ASTN2: variants seen among roughly 807,000 people sequenced by gnomAD.
ASTN2 encodes astrotactin 2.
A neutral mutation model predicts 139.8 loss-of-function variants in ASTN2; 54 were observed. The ratio of observed to expected loss-of-function variants is 0.39; its 90% CI spans 0.31 to 0.48. The LOEUF is 0.48. ASTN2 is among the 20% of genes least tolerant of loss of function. The pLI, the probability that ASTN2 is intolerant of heterozygous loss-of-function variation, is 0.95. For synonymous variants in ASTN2, 756 were observed against 719.5 expected, an observed-to-expected ratio of 1.05 and a Z score of -0.81; for missense variants, 1,565 against 1,725.1, an observed-to-expected ratio of 0.91 and a Z score of 1.64.
rs536974194 is a variant in ASTN2, at chr9:116,776,140, C to A, written c.2396+29492G>T. 3.9e-5 allele frequency among the ~76,000 whole-genome samples: 6 copies of A among 152,242 alleles called. No individual in the cohort carries two copies. The South Asian group carries it at 1.0e-3, about 26-fold the overall frequency. ...AAGCAGGAAGGATCCAAAGGTAGAG[C>A]TAGCTCTTCTCACTAAACAGGCAAT... is the stretch of plus-strand genomic sequence containing the variant. On this transcript the variant is annotated intron_variant, in intron 13 of 22. Coordinates refer to ENST00000313400, the MANE Select transcript of ASTN2 (RefSeq NM_001365068.1).
chr9:116,954,088 G>A (rs934826724), intron 10 of ASTN2, among the ~76,000 whole-genome samples: 2 of 152,250 alleles, frequency 1.3e-5, no homozygotes, highest in Admixed American at 6.5e-5. Flanking sequence ...GCAGCTACCT[G>A]TTATTCAACT....
At chr9:117,210,106 GA>G (rs1832071482) in intron 3 of ASTN2, among the ~76,000 whole-genome samples, 3 of 151,962 alleles carry the variant, frequency 2.0e-5, no homozygotes, top group Admixed American at 1.3e-4. Flanking sequence ...CAAAGAACTA[GA>G]AAGATTTCAA....
intron 13 of ASTN2, among the ~76,000 whole-genome samples, chr9:116,754,445 T>A (rs1829484934): frequency 6.6e-6 from 1 of 152,242 alleles, no homozygotes; most frequent in African/African-American, 2.4e-5. Context: ...AAAGCATTCT[T>A]ATTTCTCCAC....
intron 1 of ASTN2, among the ~76,000 whole-genome samples, chr9:117,391,597 G>A (rs1201993529): frequency 6.6e-6 from 1 of 152,118 alleles, no homozygotes; most frequent in East Asian, 1.9e-4. Context: ...TACAAGATGA[G>A]ATTTGGGTGG....
At chr9:116,927,653 A>T (rs906088511) in intron 10 of ASTN2, among the ~76,000 whole-genome samples, 3 of 152,180 alleles carry the variant, frequency 2.0e-5, no homozygotes, top group African/African-American at 7.2e-5. Context: ...CTCCCAAGGA[A>T]TGGTGGCTGG....
intron 19 of ASTN2, among the ~76,000 whole-genome samples, chr9:116,512,452 G>A (rs889777726): frequency 2.2e-4 from 33 of 152,192 alleles, no homozygotes; most frequent in Non-Finnish European, 4.1e-4. Flanking sequence ...TAAGTGCGAT[G>A]TGGTGCTGAG....
intron 10 of ASTN2, among the ~76,000 whole-genome samples, chr9:116,927,121 T>C (rs1834774740): frequency 6.6e-6 from 1 of 152,202 alleles, no homozygotes; most frequent in South Asian, 2.1e-4. Context: ...TCATTGCAGA[T>C]TGCAGAAAAC....
intron 19 of ASTN2, among the ~76,000 whole-genome samples, chr9:116,497,468 C>T (rs557821696): frequency 3.2e-4 from 49 of 152,254 alleles, no homozygotes; most frequent in Middle Eastern, 3.4e-3. Flanking sequence ...CAAGGGAGAA[C>T]GGCAAGGACT....
chr9:117,008,991 C>T (rs1345667133), intron 6 of ASTN2, among the ~76,000 whole-genome samples: 2 of 152,192 alleles, frequency 1.3e-5, no homozygotes, highest in East Asian at 3.9e-4. Context: ...GAGCAGCACT[C>T]ACCCAAGAAA....
intron 19 of ASTN2, among the ~76,000 whole-genome samples, chr9:116,493,761 A>G (rs1849590740): frequency 6.6e-6 from 1 of 152,184 alleles, no homozygotes. Flanking sequence ...AAAAGCAGAA[A>G]AGAAATTCCA....
intron 1 of ASTN2, among the ~76,000 whole-genome samples, chr9:117,413,689 C>T (rs770599276): frequency 3.1e-4 from 47 of 149,468 alleles, no homozygotes; most frequent in Admixed American, 2.0e-4. Flanking sequence ...TCCGTTGGAG[C>T]CCCCCACCCA....
intron 10 of ASTN2, among the ~76,000 whole-genome samples, chr9:116,902,193 T>C (rs189906049): frequency 6.6e-6 from 1 of 152,318 alleles, no homozygotes; most frequent in African/African-American, 2.4e-5. Context: ...CAGAAGACTT[T>C]CCAGTGGGAA....
chr9:117,141,901 T>G (rs1588009380), intron 3 of ASTN2, among the ~76,000 whole-genome samples: 1 of 152,198 alleles, frequency 6.6e-6, no homozygotes, highest in South Asian at 2.1e-4. Context: ...CACACCCATC[T>G]GAGAATCAAA....
intron 19 of ASTN2, among the ~76,000 whole-genome samples, chr9:116,502,581 A>G (rs1055926245): frequency 4.0e-5 from 6 of 151,462 alleles, no homozygotes; most frequent in African/African-American, 1.5e-4. Flanking sequence ...ATAGAGAGAC[A>G]TAGACAGGAG....
At chr9:116,778,743 C>T (rs1173408754) in intron 13 of ASTN2, among the ~76,000 whole-genome samples, 2 of 152,274 alleles carry the variant, frequency 1.3e-5, no homozygotes, top group East Asian at 1.9e-4. Flanking sequence ...TAGAATAAAA[C>T]TTGTTCTAAA....
At chr9:116,918,142 G>GT (rs1011009888) in intron 10 of ASTN2, among the ~76,000 whole-genome samples, 3 of 152,168 alleles carry the variant, frequency 2.0e-5, no homozygotes, top group African/African-American at 7.2e-5. Context: ...ATGTGGAACT[G>GT]TAAGTCCAAT....
intron 19 of ASTN2, among the ~76,000 whole-genome samples, chr9:116,532,040 T>G (rs1245692686): frequency 6.6e-6 from 1 of 152,226 alleles, no homozygotes; most frequent in Admixed American, 6.5e-5. Flanking sequence ...GTTTCCTGAC[T>G]TTTCAATGAT....
chr9:117,222,997 C>T (rs1028213916), intron 2 of ASTN2, among the ~76,000 whole-genome samples: 6 of 152,150 alleles, frequency 3.9e-5, no homozygotes, highest in Non-Finnish European at 8.8e-5. Flanking sequence ...GGTTCACTAT[C>T]TCAGAAGGGA....
chr9:117,080,870 C>A (rs1036869729), intron 5 of ASTN2, among the ~76,000 whole-genome samples: 1 of 152,082 alleles, frequency 6.6e-6, no homozygotes, highest in Non-Finnish European at 1.5e-5. Context: ...CTAGAATCTA[C>A]AATGTGTATT....
Sources: gnomAD v4.1 joint callset for allele counts (sites outside exome capture counted in the v4.1 genomes callset) on GRCh38, gnomAD v4.1.1 for gene constraint, MANE v1.5 for transcripts, NCBI Gene and HGNC (gene_info 2026-07-23, HGNC 2026-07-21) for gene names.